The following CCDC66 variants were observed in gnomAD, a reference collection of about 807,000 sequenced individuals.
CCDC66 encodes the protein coiled-coil domain containing 66, also known as coiled-coil domain-containing protein 66.
A neutral mutation model predicts 128.3 loss-of-function variants in CCDC66; 133 were observed. The observed-to-expected ratio is 1.04, with a 90% CI of 0.90 to 1.20. The LOEUF is 1.20. CCDC66 is among the 50% of genes most tolerant of loss of function. The pLI, the probability that CCDC66 is intolerant of heterozygous loss-of-function variation, is 0.00. For missense variants in CCDC66, 1,126 were observed against 1,075.5 expected (o/e 1.05, Z -0.66); for synonymous variants, 387 against 357.0 (o/e 1.08, Z -0.95).
intron 7 of CCDC66, among the ~76,000 whole-genome samples, chr3:56,587,795 G>C (rs1341712303): frequency 1.3e-5 from 2 of 152,170 alleles, no homozygotes; most frequent in Non-Finnish European, 2.9e-5. Context: ...CTTGAATCCA[G>C]GAGGCAGAGG....
Position 56,615,137 on chromosome 3 carries a change from ACT to A in CCDC66, c.1580_1581del (p.Leu527GlnfsTer4), listed in dbSNP as rs757946736. 2 of 1,613,354 alleles carry A rather than the reference ACT, an allele frequency of 1.2e-6. No individual in the cohort carries two copies. Among genetic ancestry groups the A allele is most frequent in the Admixed American group, 3.3e-5 (2 of 59,860 alleles). On this transcript the variant is annotated frameshift_variant, in exon 12 of 18. Transcript: ENST00000394672. LOFTEE classifies it high-confidence loss of function. The part of the protein sequence containing the change: ...LKQKQKEEIM[T>X]LKTNELFQTM... ...ACATCAATATTGACAGGAAATCATG[ACT>A]CTCAAGACAAATGAGCTATTCCAGA...
At chr3:56,578,864 AAATTCTCTTTTTT>A (rs553963995) in intron 7 of CCDC66, among the ~76,000 whole-genome samples, 1 of 151,864 alleles carries the variant, frequency 6.6e-6, no homozygotes, top group East Asian at 2.0e-4. Flanking sequence ...TATTGGTCTA[AAATTCTCTTTTTT>A]TGTTGTGTCT....
intron 10 of CCDC66, among the ~76,000 whole-genome samples, chr3:56,597,776 G>GGTTTT (rs2072304864): frequency 1.6e-5 from 1 of 61,858 alleles, no homozygotes; most frequent in African/African-American, 7.2e-5. Context: ...TTTGTTTTGG[G>GGTTTT]GTTTTTTTTT....
At chr3:56,588,053 G>A (rs560640325) in intron 7 of CCDC66, among the ~76,000 whole-genome samples, 41 of 152,292 alleles carry the variant, frequency 2.7e-4, no homozygotes, top group African/African-American at 9.4e-4. Context: ...ATGGCCATCA[G>A]TCAATGAGTG....
intron 10 of CCDC66, among the ~76,000 whole-genome samples, chr3:56,610,294 A>C (rs1037137350): frequency 6.6e-6 from 1 of 152,082 alleles, no homozygotes; most frequent in Non-Finnish European, 1.5e-5. Context: ...AGAGCATTTC[A>C]TATTTCTAAA....
intron 5 of CCDC66, 76 bp from the exon 6 acceptor site, chr3:56,566,874 A>T: frequency 6.8e-7 from 1 of 1,479,196 alleles, no homozygotes; most frequent in Middle Eastern, 1.8e-4. Context: ...TTAAAAGCTT[A>T]TTACTTAATA....
chr3:56,563,505 G>A (rs74707994), intron 3 of CCDC66, 179 bp from the exon 4 acceptor site: 9,741 of 558,478 alleles, frequency 0.017, 161 homozygotes, highest in African/African-American at 0.061. Flanking sequence ...CCTGAAGTAA[G>A]ATAATTTCTA....
At chr3:56,616,985 T>C (rs1559774664) in intron 13 of CCDC66, 127 bp from the exon 14 acceptor site, 1 of 766,690 alleles carries the variant, frequency 1.3e-6, no homozygotes, top group East Asian at 2.8e-5. Context: ...AGAGGTTCGG[T>C]TTTGTTGAAA....
Position 56,617,327 on chromosome 3 carries a change from A to G in CCDC66, c.2059A>G (p.Ile687Val). Residue 687 changes from isoleucine to valine, a missense_variant, in exon 14 of 18, where the codon ATA becomes GTA. Ile to Val is a conservative substitution (Grantham distance 29, BLOSUM62 3). Transcript: ENST00000394672. Reference sequence around the variant, plus strand: ...TGACCAGTGTAATCAGTTCACAAGAATAGAGAAACAAACAAAACACATGAA... The same window carrying G: ...TGACCAGTGTAATCAGTTCACAAGAGTAGAGAAACAAACAAAACACATGAA... Reference protein sequence around the residue: ...CNDQCNQFTRIEKQTKHMKKY... With the variant: ...CNDQCNQFTRVEKQTKHMKKY... The G allele has an allele frequency of 6.2e-7, 1 of 1,612,780 alleles. No individual in the cohort carries two copies. Among genetic ancestry groups the G allele is most frequent in the African/African-American group, 1.3e-5 (1 of 74,842 alleles).
At chr3:56,573,132 ATAATT>A (rs1319264939) in intron 7 of CCDC66, among the ~76,000 whole-genome samples, 2 of 152,260 alleles carry the variant, frequency 1.3e-5, no homozygotes, top group Non-Finnish European at 2.9e-5. Context: ...ATGTCAATAT[ATAATT>A]TATTTCTTAA....
rs182915244 is a variant in CCDC66 at position 56,598,840 on chromosome 3, A to G, written c.1404+4812A>G. On this transcript the variant is annotated intron_variant, in intron 10 of 17. Coordinates refer to ENST00000394672, the MANE Select transcript of CCDC66 (RefSeq NM_001141947.3). ...CTAGTATTTTGTTGAGAATTTTTGC[A>G]TCTATGTTCATCAAAAATAGTGGCC... is the stretch of plus-strand genomic sequence containing the variant. Among the ~76,000 whole-genome samples, 13 of 152,128 alleles carry G rather than the reference A, an allele frequency of 8.5e-5. 1 individual carries two copies. The highest frequency in any genetic ancestry group is 8.5e-4 in the Admixed American group (13 of 15,280).
intron 10 of CCDC66, among the ~76,000 whole-genome samples, chr3:56,601,051 C>G (rs1473039196): frequency 1.3e-5 from 2 of 152,034 alleles, no homozygotes; most frequent in Non-Finnish European, 2.9e-5. Context: ...TTTGTCCATG[C>G]CTGTGTCCTG....
chr3:56,618,397 A>G (rs1441094035), intron 15 of CCDC66, 185 bp downstream of exon 15: 1 of 541,708 alleles, frequency 1.8e-6, no homozygotes, highest in African/African-American at 1.9e-5. Flanking sequence ...TGAAGGCCCA[A>G]GTTGGACTGG....
rs1012828398 is a variant in CCDC66 at position 56,572,617 on chromosome 3, C to A, written c.936+1315C>A. The A allele has an allele frequency of 7.3e-5, 15 of 205,272 alleles. No individual in the cohort carries two copies. In the Admixed American group the frequency reaches 8.5e-4, roughly 12 times the overall value. 12.7% of individuals were successfully genotyped at this position (205,272 alleles called of 1,614,324 possible). A position where few individuals can be genotyped will look rare whatever the true frequency, so the allele number is the denominator to read the frequency against. ...ACATTTACATTTTAGCAAATGTATTCTGAAAATAATGTAGTAACCTGAAGG... is the reference window on the plus strand; with the variant it reads ...ACATTTACATTTTAGCAAATGTATTATGAAAATAATGTAGTAACCTGAAGG... On this transcript the variant is annotated intron_variant, in intron 7 of 17. Transcript: ENST00000394672.
intron 7 of CCDC66, among the ~76,000 whole-genome samples, chr3:56,578,758 G>A (rs139506129): frequency 1.3e-5 from 2 of 151,972 alleles, no homozygotes; most frequent in East Asian, 3.9e-4. Flanking sequence ...CAGATAAGAA[G>A]CCAACTTGAT....
In CCDC66 at chr3:56,558,841, T is replaced by A; in HGVS notation, c.12-5T>A. ...ATGAGAGACAACTTTCTTTTTTTATTACAGAGATGGTTTAAAGCTTGAAAC... is the reference window on the plus strand; with the variant it reads ...ATGAGAGACAACTTTCTTTTTTTATAACAGAGATGGTTTAAAGCTTGAAAC... On this transcript the variant is annotated splice_region_variant and splice_polypyrimidine_tract_variant and intron_variant, in intron 1 of 17. Coordinates refer to ENST00000394672, the MANE Select transcript of CCDC66 (RefSeq NM_001141947.3). The A allele has an allele frequency of 6.5e-7, 1 of 1,544,280 alleles. No homozygotes were observed. Among genetic ancestry groups the A allele is most frequent in the Non-Finnish European group, 8.8e-7 (1 of 1,140,994 alleles).
chr3:56,584,087 C>T (rs1421571019), intron 7 of CCDC66, among the ~76,000 whole-genome samples: 2 of 137,900 alleles, frequency 1.5e-5, no homozygotes, highest in Non-Finnish European at 3.2e-5. Flanking sequence ...CCCTCCCGGA[C>T]GGGGCGGCTG....
chr3:56,592,913 T>C, intron 7 of CCDC66, 57 bp from the exon 8 acceptor site: 1 of 1,577,648 alleles, frequency 6.3e-7, no homozygotes, highest in Non-Finnish European at 8.6e-7. Flanking sequence ...TTTGCACATA[T>C]TAAGTGATTA....
At chr3:56,595,128 A>C (rs1217435465) in intron 10 of CCDC66, among the ~76,000 whole-genome samples, 2 of 152,150 alleles carry the variant, frequency 1.3e-5, no homozygotes, top group African/African-American at 4.8e-5. Context: ...ATTGATATAT[A>C]ATGTTTTATA....
Sources: allele counts gnomAD v4.1 joint callset (sites outside exome capture counted in the v4.1 genomes callset), GRCh38; gene constraint gnomAD v4.1.1; transcripts MANE v1.5; gene names NCBI Gene and HGNC (gene_info 2026-07-23, HGNC 2026-07-21).